RBFOX3: variants seen among roughly 807,000 people sequenced by gnomAD.
RBFOX3 encodes RNA binding fox-1 homolog 3, also known as RNA binding protein fox-1 homolog 3.
In RBFOX3, 17 loss-of-function variants were observed where a neutral mutation model predicts 48.7. That is an observed-to-expected ratio of 0.35 (90% CI 0.24 to 0.52). The LOEUF is 0.52. Among genes scored for constraint, RBFOX3 ranks in the 20% least tolerant of loss-of-function variants. The pLI, the probability that RBFOX3 is intolerant of heterozygous loss-of-function variation, is 0.94. For synonymous variants in RBFOX3, 212 were observed against 209.5 expected (o/e 1.01, Z -0.10); for missense variants, 382 against 497.5 (o/e 0.77, Z 2.21).
chr17:79,590,566 C>T (rs2093386480), intron 1 of RBFOX3, among the ~76,000 whole-genome samples: 1 of 152,064 alleles, frequency 6.6e-6, no homozygotes, highest in Non-Finnish European at 1.5e-5. Context: ...TGTGGGTCTC[C>T]TGGGGCTGGG....
intron 1 of RBFOX3, among the ~76,000 whole-genome samples, chr17:79,508,175 C>A (rs912639726): frequency 6.6e-6 from 1 of 152,256 alleles, no homozygotes; most frequent in Non-Finnish European, 1.5e-5. Context: ...GCAGCCCCTG[C>A]GCTCGCTGGC....
chr17:79,649,072 G>A, the RBFOX3 span, among the ~76,000 whole-genome samples: 5 of 149,420 alleles, frequency 3.3e-5, no homozygotes, highest in African/African-American at 1.2e-4. Context: ...TCCACTTTAT[G>A]GGTTCAAGTG....
At chr17:79,552,625 AATGATTCC>A (rs1399771451) in intron 1 of RBFOX3, among the ~76,000 whole-genome samples, 1 of 152,162 alleles carries the variant, frequency 6.6e-6, no homozygotes, top group African/African-American at 2.4e-5. Flanking sequence ...CTTGAATTAT[AATGATTCC>A]ATTGTAATTC....
chr17:79,335,948 A>G (rs781404783), intron 2 of RBFOX3, among the ~76,000 whole-genome samples: 1 of 152,190 alleles, frequency 6.6e-6, no homozygotes, highest in Non-Finnish European at 1.5e-5. Flanking sequence ...GTTTCTACAG[A>G]AAAGAAAACT....
intron 4 of RBFOX3, among the ~76,000 whole-genome samples, chr17:79,125,039 C>G (rs2036821641): frequency 2.6e-5 from 4 of 152,212 alleles, no homozygotes. Flanking sequence ...GGGTCCTGTG[C>G]TGTCCCTGGT....
chr17:79,129,606 A>C (rs1264039576), intron 4 of RBFOX3, among the ~76,000 whole-genome samples: 1 of 152,198 alleles, frequency 6.6e-6, no homozygotes, highest in Non-Finnish European at 1.5e-5. Context: ...ACTGTCCTTC[A>C]AGGTGCAGAG....
chr17:79,397,939 G>A (rs1027098117), intron 2 of RBFOX3, among the ~76,000 whole-genome samples: 9 of 152,280 alleles, frequency 5.9e-5, no homozygotes, highest in African/African-American at 1.7e-4. Flanking sequence ...ACGCCGTCAC[G>A]AATCTGTCCG....
upstream of RBFOX3, among the ~76,000 whole-genome samples, chr17:79,613,421 G>A (rs2093982525): frequency 6.6e-6 from 1 of 152,246 alleles, no homozygotes; most frequent in Admixed American, 6.5e-5. Flanking sequence ...AAGAGAGTAA[G>A]TGTCAGGGCC....
At chr17:79,441,095 C>T (rs1393613994) in intron 2 of RBFOX3, among the ~76,000 whole-genome samples, 1 of 152,284 alleles carries the variant, frequency 6.6e-6, no homozygotes, top group Admixed American at 6.5e-5. Context: ...AGGGCGTCAG[C>T]GGAGGCAACC....
intron 1 of RBFOX3, among the ~76,000 whole-genome samples, chr17:79,610,550 C>G (rs1315207115): frequency 6.6e-6 from 1 of 152,122 alleles, no homozygotes; most frequent in Admixed American, 6.5e-5. Context: ...CGGGCCTTCC[C>G]ATTCACAAAA....
At chr17:79,185,569 ACT>A (rs1231949467) in intron 4 of RBFOX3, among the ~76,000 whole-genome samples, 1 of 152,052 alleles carries the variant, frequency 6.6e-6, no homozygotes, top group Non-Finnish European at 1.5e-5. Flanking sequence ...GTCCGTCACC[ACT>A]GCCCTGCTGC....
intron 4 of RBFOX3, among the ~76,000 whole-genome samples, chr17:79,124,391 G>A (rs776991414): frequency 3.9e-5 from 6 of 152,166 alleles, no homozygotes; most frequent in African/African-American, 1.4e-4. Flanking sequence ...GACTGCACTC[G>A]ACATTTTAAA....
chr17:79,544,698 G>C (rs977603099), intron 1 of RBFOX3, among the ~76,000 whole-genome samples: 1 of 151,956 alleles, frequency 6.6e-6, no homozygotes, highest in Admixed American at 6.5e-5. Context: ...CAGGGAGCAA[G>C]CCTGCATCCT....
chr17:79,119,075 C>A (rs901310899), intron 4 of RBFOX3, among the ~76,000 whole-genome samples: 2 of 152,044 alleles, frequency 1.3e-5, no homozygotes, highest in African/African-American at 2.4e-5. Flanking sequence ...CTCTGCAGGG[C>A]TCTAATCCCT....
intron 1 of RBFOX3, among the ~76,000 whole-genome samples, chr17:79,562,773 C>T (rs1050542946): frequency 6.6e-6 from 1 of 152,172 alleles, no homozygotes; most frequent in South Asian, 2.1e-4. Flanking sequence ...CCACATACAA[C>T]CTTCTCCTCC....
At chr17:79,487,794 C>T (rs1330686338) in intron 1 of RBFOX3, among the ~76,000 whole-genome samples, 2 of 150,936 alleles carry the variant, frequency 1.3e-5, no homozygotes, top group Non-Finnish European at 2.9e-5. Context: ...GCCTGTAGTC[C>T]CAGCTGCTTG....
At chr17:79,112,919 C>CT (rs2032491296) in intron 5 of RBFOX3, among the ~76,000 whole-genome samples, 2 of 35,366 alleles carry the variant, frequency 5.7e-5, no homozygotes, top group Non-Finnish European at 5.2e-5. Flanking sequence ...GGGGGGTGGG[C>CT]TGGGTAGGAC....
intron 4 of RBFOX3, among the ~76,000 whole-genome samples, chr17:79,224,123 T>A (rs1328630959): frequency 1.3e-5 from 2 of 152,130 alleles, no homozygotes. Flanking sequence ...CACTGAGGCA[T>A]TAACTGCCAC....
the RBFOX3 span, among the ~76,000 whole-genome samples, chr17:79,649,139 T>C: frequency 1.5e-4 from 23 of 152,196 alleles, no homozygotes; most frequent in Admixed American, 1.3e-3. Context: ...CCACCATGCC[T>C]GGCTAATTAT....
Sources: allele counts gnomAD v4.1 joint callset (sites outside exome capture counted in the v4.1 genomes callset), GRCh38; gene constraint gnomAD v4.1.1; transcripts MANE v1.5; gene names NCBI Gene and HGNC (gene_info 2026-07-23, HGNC 2026-07-21).